The following CELF2 variants were observed in gnomAD, a reference collection of about 807,000 sequenced individuals.
The protein encoded by CELF2 is CUGBP Elav-like family member 2, also known as CUG triplet repeat RNA-binding protein 2.
In CELF2, 8 loss-of-function variants were observed where a neutral mutation model predicts 62.6. The observed-to-expected ratio is 0.13, with a 90% CI of 0.07 to 0.23. The LOEUF (loss-of-function observed/expected upper bound fraction) is 0.23, where lower values mean the gene tolerates loss of function less well. Among genes scored for constraint, CELF2 ranks in the 10% least tolerant of loss-of-function variants. CELF2 has a pLI of 1.00. For missense variants in CELF2, 333 were observed against 671.0 expected, an observed-to-expected ratio of 0.50 and a Z score of 5.56; for synonymous variants, 258 against 250.0, an observed-to-expected ratio of 1.03 and a Z score of -0.30.
rs17148967 is a variant in CELF2 at position 10,825,709 on chromosome 10, T to C, written c.53+26892T>C. ...TGGTGGACTTCTCTGCAAAGTAATA[T>C]AGCAGCAAAGAGTCCTGAGCCTCCC... is the stretch of plus-strand genomic sequence containing the variant. On this transcript the variant is annotated intron_variant, in intron 1 of 13. Coordinates refer to the CELF2 transcript ENST00000636488. Among the ~76,000 whole-genome samples, 1,342 of 152,290 alleles carry C rather than the reference T, an allele frequency of 8.8e-3. 15 individuals are homozygous for C. The highest frequency in any genetic ancestry group is 0.03 in the African/African-American group (1,256 of 41,562).
chr10:10,471,198 A>C, the CELF2 span, among the ~76,000 whole-genome samples: 1 of 151,812 alleles, frequency 6.6e-6, no homozygotes, highest in Non-Finnish European at 1.5e-5. Flanking sequence ...TGTACATAAA[A>C]AGAATGAGTA....
chr10:10,634,989 C>T, the CELF2 span, among the ~76,000 whole-genome samples: 1 of 152,180 alleles, frequency 6.6e-6, no homozygotes, highest in South Asian at 2.1e-4. Context: ...ACCCATATAG[C>T]ACAGACTCCC....
chr10:10,683,159 A>G, the CELF2 span, among the ~76,000 whole-genome samples: 2 of 152,228 alleles, frequency 1.3e-5, no homozygotes, highest in African/African-American at 4.8e-5. Flanking sequence ...AGGGGCAAAG[A>G]AGACATGAAC....
At chr10:10,943,519 G>A (rs141818619) in intron 2 of CELF2, among the ~76,000 whole-genome samples, 325 of 152,326 alleles carry the variant, frequency 2.1e-3, no homozygotes, top group African/African-American at 7.6e-3. Flanking sequence ...AGATGCTCTA[G>A]AAGGACTCTG....
At chr10:10,777,549 C>T in the CELF2 span, among the ~76,000 whole-genome samples, 19 of 152,186 alleles carry the variant, frequency 1.2e-4, no homozygotes, top group Non-Finnish European at 1.8e-4. Flanking sequence ...TCCTCTCCTC[C>T]TGCCTCTGCC....
At chr10:10,518,772 G>T in the CELF2 span, among the ~76,000 whole-genome samples, 1 of 151,986 alleles carries the variant, frequency 6.6e-6, no homozygotes, top group Non-Finnish European at 1.5e-5. Flanking sequence ...GGGGCCACTT[G>T]TAAGGATGTC....
chr10:10,764,200 G>T, the CELF2 span, among the ~76,000 whole-genome samples: 2 of 152,206 alleles, frequency 1.3e-5, no homozygotes, highest in African/African-American at 4.8e-5. Context: ...ACACTTTATT[G>T]TGTGCATTGA....
chr10:10,657,051 T>G, the CELF2 span, among the ~76,000 whole-genome samples: 1 of 152,040 alleles, frequency 6.6e-6, no homozygotes, highest in Admixed American at 6.6e-5. Context: ...ATAAATTAAA[T>G]GTTGTATATT....
chr10:10,608,830 A>T, the CELF2 span, among the ~76,000 whole-genome samples: 3 of 152,224 alleles, frequency 2.0e-5, no homozygotes, highest in African/African-American at 7.2e-5. Context: ...ATTCTTAATT[A>T]GAACCACATA....
intron 1 of CELF2, among the ~76,000 whole-genome samples, chr10:10,808,849 G>T (rs528070944): frequency 6.6e-6 from 1 of 152,228 alleles, no homozygotes; most frequent in Non-Finnish European, 1.5e-5. Context: ...ACTCATTCAA[G>T]AAACATTCTT....
chr10:11,060,311 G>A lies in CELF2; in HGVS notation c.74+42148G>A, dbSNP rs571159568. On this transcript the variant is annotated intron_variant, in intron 1 of 12. Transcript: ENST00000633077. ...GGACAGCTCTGCGTGCACCGTTCCC[G>A]GCATAGTCAGTGGTGCCTTCAGGAT... 8.6e-4 allele frequency among the ~76,000 whole-genome samples: 131 copies of A among 152,306 alleles called. 1 individual carries two copies. Among genetic ancestry groups the A allele is most frequent in the African/African-American group, 2.9e-3 (121 of 41,560 alleles).
chr10:10,517,633 A>G, the CELF2 span, among the ~76,000 whole-genome samples: 1 of 152,116 alleles, frequency 6.6e-6, no homozygotes, highest in African/African-American at 2.4e-5. Context: ...AGGTCTTAGG[A>G]GGCAATTTTC....
chr10:10,545,998 GA>G, the CELF2 span, among the ~76,000 whole-genome samples: 5 of 152,122 alleles, frequency 3.3e-5, no homozygotes, highest in Non-Finnish European at 5.9e-5. Context: ...GAACAATCAG[GA>G]GAGAGGTTCA....
intron 1 of CELF2, among the ~76,000 whole-genome samples, chr10:11,106,202 C>CT (rs1463613727): frequency 6.4e-5 from 7 of 109,338 alleles, no homozygotes; most frequent in African/African-American, 2.3e-4. Context: ...TTTTATTTTA[C>CT]TTTATTTTAT....
the CELF2 span, among the ~76,000 whole-genome samples, chr10:10,781,763 C>T: frequency 6.6e-6 from 1 of 152,076 alleles, no homozygotes; most frequent in Non-Finnish European, 1.5e-5. Context: ...TACGCTGGTC[C>T]CACAATGACA....
the CELF2 span, among the ~76,000 whole-genome samples, chr10:10,480,371 A>G: frequency 6.6e-6 from 1 of 152,088 alleles, no homozygotes; most frequent in African/African-American, 2.4e-5. Context: ...AGCTCCCCTT[A>G]TCTAACAGAA....
the CELF2 span, among the ~76,000 whole-genome samples, chr10:10,750,199 T>C: frequency 1.8e-3 from 281 of 152,122 alleles, 2 homozygotes; most frequent in South Asian, 0.012. Context: ...GGAGAATTGC[T>C]TGAACCTGGG....
At chr10:10,606,910 ACTGTGTACC>A in the CELF2 span, among the ~76,000 whole-genome samples, 2 of 152,200 alleles carry the variant, frequency 1.3e-5, no homozygotes, top group Non-Finnish European at 2.9e-5. Flanking sequence ...TTAAGAACTA[ACTGTGTACC>A]CTGTGTACCC....
the CELF2 span, among the ~76,000 whole-genome samples, chr10:10,697,626 A>T: frequency 0.027 from 4,075 of 152,252 alleles, 180 homozygotes; most frequent in African/African-American, 0.093. Flanking sequence ...CAGGTTGCAG[A>T]CTGCCAATCG....
Sources: allele counts gnomAD v4.1 joint callset (sites outside exome capture counted in the v4.1 genomes callset), GRCh38; gene constraint gnomAD v4.1.1; transcripts MANE v1.5; gene names NCBI Gene and HGNC (gene_info 2026-07-23, HGNC 2026-07-21).